Variants in COL4A4 observed in about 807,000 individuals in gnomAD.
COL4A4 encodes the protein collagen type IV alpha 4 chain.
In COL4A4, 105 loss-of-function variants were observed where a neutral mutation model predicts 192.9. That is an observed-to-expected ratio of 0.54 (90% CI 0.46 to 0.64). The LOEUF (loss-of-function observed/expected upper bound fraction) is 0.64, where lower values mean the gene tolerates loss of function less well. Ranked by LOEUF, COL4A4 falls within the 30% of genes least tolerant of loss-of-function variation. COL4A4 has a pLI of 0.00. For missense variants in COL4A4, 1,967 were observed against 2,169.3 expected (o/e 0.91, Z 1.85); for synonymous variants, 762 against 769.9 (o/e 0.99, Z 0.17).
At chr2:227,105,188 A>T (rs865998130) in intron 12 of COL4A4, among the ~76,000 whole-genome samples, 50 of 104,010 alleles carry the variant, frequency 4.8e-4, no homozygotes, top group Admixed American at 6.0e-4. Flanking sequence ...CAGGATCCTG[A>T]TTTTTTTTTT....
At chr2:226,991,841 C>G in the COL4A4 span, among the ~76,000 whole-genome samples, 2 of 152,134 alleles carry the variant, frequency 1.3e-5, no homozygotes, top group African/African-American at 4.8e-5. Flanking sequence ...TTTTCAGTAG[C>G]CTCCTCTCAC....
downstream of COL4A4, chr2:226,997,758 C>T (rs915373424): frequency 1.3e-5 from 2 of 152,158 alleles, no homozygotes; most frequent in East Asian, 1.9e-4. Flanking sequence ...TGGAGTGGAA[C>T]ATCTTAGTGA....
chr2:227,138,008 A>G (rs1423544274), intron 4 of COL4A4, among the ~76,000 whole-genome samples: 1 of 152,112 alleles, frequency 6.6e-6, no homozygotes, highest in Non-Finnish European at 1.5e-5. Flanking sequence ...AAAGTGGCTC[A>G]AGACCGGCTT....
intron 25 of COL4A4, among the ~76,000 whole-genome samples, chr2:227,068,485 C>T (rs539397223): frequency 0.017 from 2,522 of 152,226 alleles, 37 homozygotes; most frequent in Admixed American, 0.026. Flanking sequence ...ACTGGCAAAC[C>T]GAATCCAGCA....
chr2:226,970,814 C>G, the COL4A4 span, among the ~76,000 whole-genome samples: 1 of 152,158 alleles, frequency 6.6e-6, no homozygotes, highest in African/African-American at 2.4e-5. Context: ...TTTCACAAGG[C>G]AATCTTGGCA....
the COL4A4 span, among the ~76,000 whole-genome samples, chr2:226,968,621 G>A: frequency 1.5e-3 from 227 of 152,306 alleles, 1 homozygote; most frequent in Non-Finnish European, 2.7e-3. Flanking sequence ...ACAAAAAAGA[G>A]CATCGCACTT....
chr2:226,988,657 G>C, the COL4A4 span: 1 of 985,164 alleles, frequency 1.0e-6, no homozygotes, highest in Non-Finnish European at 1.2e-6. Context: ...AGGAAGGTAG[G>C]ATTTTAATAT....
At chr2:227,077,787 G>T in intron 25 of COL4A4, 107 bp downstream of exon 25, 1 of 1,042,482 alleles carries the variant, frequency 9.6e-7, no homozygotes, top group Non-Finnish European at 1.4e-6. Flanking sequence ...TCGGGTGACA[G>T]GTACACTAAA....
In COL4A4 at chr2:227,036,196, G is replaced by A. The variant is rs114491398; in HGVS notation, c.3506-2715C>T. The stretch of plus-strand genomic sequence containing the variant: ...TGCAGCACACTGCACTTTCAGGCTG[G>A]GTGCTCTTTCTCTAGTCAGTGAATG... On this transcript the variant is annotated intron_variant, in intron 37 of 47. Coordinates refer to ENST00000396625, the MANE Select transcript of COL4A4 (RefSeq NM_000092.5). Among the ~76,000 whole-genome samples the A allele has an allele frequency of 7.1e-3, 1,080 of 152,190 alleles. 8 individuals carry two copies. The highest frequency in any genetic ancestry group is 0.025 in the African/African-American group (1,034 of 41,530).
the COL4A4 span, among the ~76,000 whole-genome samples, chr2:226,980,985 A>G: frequency 1.3e-5 from 2 of 152,196 alleles, no homozygotes; most frequent in African/African-American, 4.8e-5. Context: ...ATTCTAGTTC[A>G]GTTTGAGACT....
chr2:227,055,465 A>T (rs531628874), intron 30 of COL4A4, among the ~76,000 whole-genome samples: 91 of 152,156 alleles, frequency 6.0e-4, no homozygotes, highest in Non-Finnish European at 2.9e-5. Context: ...ACTGCCCTCT[A>T]GCCTGGGCTA....
intron 6 of COL4A4, among the ~76,000 whole-genome samples, chr2:227,118,963 A>T (rs1459216326): frequency 1.3e-5 from 2 of 152,150 alleles, no homozygotes; most frequent in Non-Finnish European, 2.9e-5. Flanking sequence ...AATTTAAACT[A>T]ATTTAGTTTG....
In COL4A4 at chr2:227,027,975, A is replaced by T; in HGVS notation, c.4008T>A (p.His1336Gln). 4 of 1,613,722 alleles carry T rather than the reference A, an allele frequency of 2.5e-6. No homozygotes were observed. The highest frequency in any genetic ancestry group is 3.4e-6 in the Non-Finnish European group (4 of 1,179,766). Residue 1336 changes from histidine (H) to glutamine (Q), a missense_variant, in exon 42 of 48, where the codon CAT becomes CAA. His to Gln is a conservative substitution (Grantham distance 24). Transcript: ENST00000396625. ...TCTCTCCAGGTGGCCCAGGAAATCCATGTGGTCCCTGCGGTCCCGGGAATC... is the reference window on the plus strand; with the variant it reads ...TCTCTCCAGGTGGCCCAGGAAATCCTTGTGGTCCCTGCGGTCCCGGGAATC... Reference protein sequence around the residue: ...PVGFPGPQGPHGFPGPPGEKG... With the variant: ...PVGFPGPQGPQGFPGPPGEKG...
intron 20 of COL4A4, among the ~76,000 whole-genome samples, chr2:227,091,891 C>T (rs2059951612): frequency 7.5e-6 from 1 of 134,008 alleles, no homozygotes; most frequent in Non-Finnish European, 1.6e-5. Context: ...AACACTCTGT[C>T]TCAGGAAGAA....
At chr2:227,115,624 C>T (rs2061452419) in intron 7 of COL4A4, among the ~76,000 whole-genome samples, 1 of 152,140 alleles carries the variant, frequency 6.6e-6, no homozygotes, top group African/African-American at 2.4e-5. Context: ...AAAATCCTAC[C>T]ATCTTTATAT....
chr2:227,019,264 C>T (rs775897502), intron 44 of COL4A4, among the ~76,000 whole-genome samples: 7 of 152,348 alleles, frequency 4.6e-5, no homozygotes, highest in Non-Finnish European at 1.0e-4. Flanking sequence ...TGCTAAGAAA[C>T]GTTCTACTCT....
chr2:227,157,090 A>C (rs1307791282), intron 1 of COL4A4, among the ~76,000 whole-genome samples: 6 of 152,284 alleles, frequency 3.9e-5, no homozygotes, highest in Non-Finnish European at 8.8e-5. Flanking sequence ...GGATCATAAA[A>C]CAAGTTTCAA....
chr2:227,053,966 C>A (rs535994833), intron 31 of COL4A4, among the ~76,000 whole-genome samples: 21 of 152,216 alleles, frequency 1.4e-4, no homozygotes, highest in African/African-American at 4.8e-4. Context: ...CTTCCTGCTG[C>A]CAGTTTCTGT....
intron 24 of COL4A4, among the ~76,000 whole-genome samples, chr2:227,079,043 C>T (rs2059185797): frequency 6.6e-6 from 1 of 152,206 alleles, no homozygotes; most frequent in African/African-American, 2.4e-5. Flanking sequence ...TAACAGCTCC[C>T]ATGGGGAATG....
Sources: allele counts gnomAD v4.1 joint callset (sites outside exome capture counted in the v4.1 genomes callset), GRCh38; gene constraint gnomAD v4.1.1; transcripts MANE v1.5; gene names NCBI Gene and HGNC (gene_info 2026-07-23, HGNC 2026-07-21).